KIAA2012: variants seen among roughly 807,000 people sequenced by gnomAD.
The protein encoded by KIAA2012 is KIAA2012.
KIAA2012 carries 125 observed loss-of-function variants against 150.6 expected under a neutral mutation model. The observed-to-expected ratio is 0.83, with a 90% CI of 0.72 to 0.96. The LOEUF is 0.96. KIAA2012 is among the 40% of genes least tolerant of loss of function. The pLI is 0.00. For synonymous variants in KIAA2012, 462 were observed against 504.7 expected (o/e 0.92, Z 1.13); for missense variants, 1,219 against 1,354.9 (o/e 0.90, Z 1.57).
chr2:202,193,340 G>T lies in KIAA2012; in HGVS notation c.2851G>T (p.Asp951Tyr). 1 of 1,550,134 alleles carries T rather than the reference G, an allele frequency of 6.5e-7. No individual in the cohort carries two copies. The highest frequency in any genetic ancestry group is 8.7e-7 in the Non-Finnish European group (1 of 1,146,838). ...TKREQEKASW[D>Y]RLRAERAEMR... ...GAGGGAGCAGGAGAAGGCTTCCTGG[G>T]ACAGGCTTCGAGCAGAAAGAGCCGA... is the stretch of plus-strand genomic sequence containing the variant. The change falls in exon 20 of 24, where the codon GAC becomes TAC. Residue 951 changes from aspartate to tyrosine, a missense_variant. Transcript: ENST00000498697.
chr2:202,085,554 A>G (rs942485646), intron 2 of KIAA2012, among the ~76,000 whole-genome samples: 20 of 152,332 alleles, frequency 1.3e-4, no homozygotes, highest in African/African-American at 4.1e-4. Context: ...GCAGGGAAAC[A>G]GATTCTTCCC....
In KIAA2012 at chr2:202,104,423, A is replaced by C. The variant is rs1690129172; in HGVS notation, c.1324+1309A>C. Among the ~76,000 whole-genome samples the C allele has an allele frequency of 6.6e-6, 1 of 152,228 alleles. No individual in the cohort carries two copies. The highest frequency in any genetic ancestry group is 2.4e-5 in the African/African-American group (1 of 41,458). ...TGTTACTCACAGTTCCAAGAGGAGG[A>C]GGCACACCACACCATGCAGGGCCAC... On this transcript the variant is annotated intron_variant, in intron 8 of 23. Coordinates refer to ENST00000498697, the MANE Select transcript of KIAA2012 (RefSeq NM_001277372.4). This position sits in a 1 kb window ranked among gnomAD's most constrained non-coding sequence, Gnocchi z 4.3.
In KIAA2012 at chr2:202,090,902, G is replaced by T. The variant is rs1689702369; in HGVS notation, c.502G>T (p.Asp168Tyr). The change falls in exon 3 of 24, where the codon GAC (aspartate) becomes TAC (tyrosine). Residue 168 changes from aspartate (D) to tyrosine (Y), a missense_variant. By Grantham distance (160) the Asp-to-Tyr change is radical. Transcript: ENST00000498697. ...AGGCCTCCTGCGGACTTGGCCCCCA[G>T]ACGCCATGTATAGGCTCTGGTGCGC... ...LRGLLRTWPP[D>Y]AMYRLWCAGY... is the part of the protein sequence containing the mutation. The T allele has an allele frequency of 1.9e-6, 3 of 1,550,248 alleles. No homozygotes were observed. The Admixed American group carries it at 5.9e-5, about 30-fold the overall frequency.
intron 1 of KIAA2012, 82 bp downstream of exon 1, chr2:202,073,793 TG>T: frequency 1.6e-6 from 2 of 1,255,140 alleles, no homozygotes; most frequent in Non-Finnish European, 2.3e-6. Context: ...GTAAACCATG[TG>T]TGTCTTGGTT....
intron 14 of KIAA2012, 148 bp from the exon 15 acceptor site, chr2:202,165,136 G>A: frequency 1.5e-6 from 1 of 679,384 alleles, no homozygotes. Flanking sequence ...CCTTCCTGGA[G>A]ACTTAAGTAA....
At chr2:202,204,164 C>T (rs2105760498) in intron 23 of KIAA2012, among the ~76,000 whole-genome samples, 1 of 151,120 alleles carries the variant, frequency 6.6e-6, no homozygotes, top group Admixed American at 6.6e-5. Flanking sequence ...GCAGCTTTGA[C>T]CTCCTGGGCT....
chr2:202,084,922 T>G (rs1689528526), intron 2 of KIAA2012, among the ~76,000 whole-genome samples: 1 of 152,224 alleles, frequency 6.6e-6, no homozygotes, highest in Admixed American at 6.5e-5. Context: ...TCATCTATTT[T>G]CTTCCAGTCT....
chr2:202,177,295 AATAT>A (rs1692011625), intron 15 of KIAA2012, among the ~76,000 whole-genome samples: 1 of 152,304 alleles, frequency 6.6e-6, no homozygotes, highest in South Asian at 2.1e-4. Flanking sequence ...CAGATATAAA[AATAT>A]ATATGAGGAT....
At chr2:202,175,916 A>G (rs1691980754) in intron 15 of KIAA2012, among the ~76,000 whole-genome samples, 1 of 152,362 alleles carries the variant, frequency 6.6e-6, no homozygotes, top group South Asian at 2.1e-4. Flanking sequence ...GAATCCAGAA[A>G]TAAATGTGCC....
intron 12 of KIAA2012, among the ~76,000 whole-genome samples, chr2:202,132,215 G>A (rs777008606): frequency 7.9e-5 from 12 of 151,972 alleles, no homozygotes; most frequent in African/African-American, 2.4e-4. Flanking sequence ...AGGAATTTAC[G>A]CCAATGATGG....
Position 202,100,353 on chromosome 2 carries a change from G to C in KIAA2012, c.1059G>C (p.Leu353Phe), listed in dbSNP as rs2105921374. 3.9e-6 allele frequency: 6 copies of C among 1,550,612 alleles called. No homozygotes were observed. Among genetic ancestry groups the C allele is most frequent in the South Asian group, 1.2e-5 (1 of 84,064 alleles). The change falls in exon 7 of 24, where the codon TTG (leucine) becomes TTC (phenylalanine). Residue 353 changes from leucine (L) to phenylalanine (F), a missense_variant. Transcript: ENST00000498697. ...TCCACAAGGCCAGAAGCAGCCACTT[G>C]TTACAGGTGCTTCCTGCTGAAAGAA... ...VKLHKARSSH[L>F]LQVLPAERSL...
At chr2:202,088,287 A>T (rs1373750785) in intron 2 of KIAA2012, among the ~76,000 whole-genome samples, 1 of 152,212 alleles carries the variant, frequency 6.6e-6, no homozygotes, top group Non-Finnish European at 1.5e-5. Context: ...GAGGGGGAAT[A>T]AGTGTTGGGC....
intron 2 of KIAA2012, among the ~76,000 whole-genome samples, chr2:202,085,069 G>C (rs1161586613): frequency 1.3e-5 from 2 of 152,172 alleles, no homozygotes; most frequent in African/African-American, 2.4e-5. Flanking sequence ...CACCCTGACT[G>C]GTATCCTCGG....
At chr2:202,161,317 C>T (rs2105718542) in intron 14 of KIAA2012, among the ~76,000 whole-genome samples, 1 of 152,314 alleles carries the variant, frequency 6.6e-6, no homozygotes, top group East Asian at 1.9e-4. Context: ...TAATACCACA[C>T]TGCTGCCAGT....
At chr2:202,195,166 G>C (rs983640058) in intron 21 of KIAA2012, among the ~76,000 whole-genome samples, 1 of 152,050 alleles carries the variant, frequency 6.6e-6, no homozygotes, top group African/African-American at 2.4e-5. Flanking sequence ...TATCAAATTG[G>C]GGTAATTTGC....
At chr2:202,179,442 A>G (rs1692071297) in intron 15 of KIAA2012, 1 of 719,420 alleles carries the variant, frequency 1.4e-6, no homozygotes, top group South Asian at 1.4e-5. Context: ...GCAACCGAGA[A>G]AAAACAGAAA....
At chr2:202,200,948 C>T (rs1458880962) in intron 22 of KIAA2012, among the ~76,000 whole-genome samples, 2 of 152,008 alleles carry the variant, frequency 1.3e-5, no homozygotes, top group African/African-American at 4.8e-5. Context: ...TCAAGTGATC[C>T]GCCTGCCTCA....
At chr2:202,188,114 A>G in intron 17 of KIAA2012, 38 bp from the exon 18 acceptor site, 1 of 1,478,860 alleles carries the variant, frequency 6.8e-7, no homozygotes, top group Non-Finnish European at 9.2e-7. Flanking sequence ...CATTTCCTAT[A>G]CATATTATGG....
chr2:202,195,453 G>A lies in KIAA2012; in HGVS notation c.3187+1091G>A, dbSNP rs551401409. The stretch of plus-strand genomic sequence containing the variant: ...GGAGAATCACTTGAACCCAGGAGGC[G>A]GAAGTTGCAGTGAGCTGAGATAGTG... On this transcript the variant is annotated intron_variant, in intron 21 of 23. Transcript: ENST00000498697. Among the ~76,000 whole-genome samples the A allele has an allele frequency of 3.3e-5, 5 of 151,902 alleles. No individual in the cohort carries two copies. In the South Asian group the frequency reaches 6.2e-4, roughly 19 times the overall value.
Sources: allele counts gnomAD v4.1 joint callset (sites outside exome capture counted in the v4.1 genomes callset), GRCh38; gene constraint gnomAD v4.1.1; non-coding constraint Gnocchi (gnomAD v3.1); transcripts MANE v1.5; gene names NCBI Gene and HGNC (gene_info 2026-07-23, HGNC 2026-07-21).